ATAD1: variants seen among roughly 807,000 people sequenced by gnomAD.
ATAD1 encodes ATPase family AAA domain containing 1.
In ATAD1, 18 loss-of-function variants were observed where a neutral mutation model predicts 42.7. The ratio of observed to expected loss-of-function variants is 0.42; its 90% CI spans 0.29 to 0.63. The LOEUF is 0.63. ATAD1 is among the 20% of genes least tolerant of loss of function. ATAD1 has a pLI of 0.19. For synonymous variants in ATAD1, 132 were observed against 143.1 expected (o/e 0.92, Z 0.55); for missense variants, 294 against 440.4 (o/e 0.67, Z 2.98).
At chr10:87,797,331 A>G (rs979955606) in intron 2 of ATAD1, among the ~76,000 whole-genome samples, 1 of 152,024 alleles carries the variant, frequency 6.6e-6, no homozygotes, top group African/African-American at 2.4e-5. Context: ...AAAGAAAAAA[A>G]AACAAAAACA....
intron 1 of ATAD1, among the ~76,000 whole-genome samples, chr10:87,826,918 A>G (rs1241251388): frequency 6.6e-6 from 1 of 152,132 alleles, no homozygotes; most frequent in African/African-American, 2.4e-5. Context: ...TAGGCCAAAA[A>G]GAGAAGACAA....
At chr10:87,755,535 G>C (rs1854180214) in intron 9 of ATAD1, among the ~76,000 whole-genome samples, 1 of 152,116 alleles carries the variant, frequency 6.6e-6, no homozygotes, top group Admixed American at 6.5e-5. Flanking sequence ...CAAAAAAATA[G>C]ATCTTTCATT....
chr10:87,775,432 A>AC (rs1409900296), intron 6 of ATAD1, among the ~76,000 whole-genome samples: 1 of 147,448 alleles, frequency 6.8e-6, no homozygotes, highest in East Asian at 1.9e-4. Flanking sequence ...AAAAAAAAAA[A>AC]AAAAAAAAAG....
intron 2 of ATAD1, among the ~76,000 whole-genome samples, chr10:87,796,047 C>G (rs1856371333): frequency 6.6e-6 from 1 of 152,080 alleles, no homozygotes; most frequent in Non-Finnish European, 1.5e-5. Context: ...AACAAGGATT[C>G]TGAGTATGTA....
At chr10:87,790,738 T>C (rs1336212479) in intron 3 of ATAD1, among the ~76,000 whole-genome samples, 1 of 152,172 alleles carries the variant, frequency 6.6e-6, no homozygotes, top group East Asian at 1.9e-4. Flanking sequence ...GCAAGAATAC[T>C]GAGAACCAGC....
At chr10:87,795,813 G>T (rs1306889089) in intron 2 of ATAD1, among the ~76,000 whole-genome samples, 1 of 152,130 alleles carries the variant, frequency 6.6e-6, no homozygotes, top group Non-Finnish European at 1.5e-5. Context: ...TTTCATTCAG[G>T]TTCTAAAGAT....
At chr10:87,809,966 C>A (rs1409797717) in intron 2 of ATAD1, among the ~76,000 whole-genome samples, 1 of 151,900 alleles carries the variant, frequency 6.6e-6, no homozygotes, top group South Asian at 2.1e-4. Flanking sequence ...ATATCTACAG[C>A]AATATTAGGC....
chr10:87,790,917 G>A (rs1443375939), intron 3 of ATAD1, among the ~76,000 whole-genome samples: 5 of 151,136 alleles, frequency 3.3e-5, no homozygotes, highest in African/African-American at 4.9e-5. Context: ...AGGCGTGGTC[G>A]CTCACGCCTG....
intron 3 of ATAD1, among the ~76,000 whole-genome samples, chr10:87,791,306 G>A (rs1856098772): frequency 6.6e-6 from 1 of 151,902 alleles, no homozygotes; most frequent in African/African-American, 2.4e-5. Context: ...AGAAAAACCT[G>A]ATTCAACTTG....
At chr10:87,780,419 TTA>T (rs1270637967) in intron 5 of ATAD1, among the ~76,000 whole-genome samples, 1 of 152,164 alleles carries the variant, frequency 6.6e-6, no homozygotes, top group African/African-American at 2.4e-5. Context: ...AGAATGAACC[TTA>T]AACTATGGAC....
At chr10:87,813,005 G>C (rs2132057875) in intron 2 of ATAD1, among the ~76,000 whole-genome samples, 1 of 152,202 alleles carries the variant, frequency 6.6e-6, no homozygotes, top group African/African-American at 2.4e-5. Context: ...TCATGAACAA[G>C]TCTTTTCTCC....
At chr10:87,784,999 C>T (rs1172416539) in intron 4 of ATAD1, among the ~76,000 whole-genome samples, 1 of 152,216 alleles carries the variant, frequency 6.6e-6, no homozygotes, top group Non-Finnish European at 1.5e-5. Flanking sequence ...CCTCCACCTT[C>T]ACAAGCAAAC....
chr10:87,783,831 C>T (rs916234387), intron 5 of ATAD1, among the ~76,000 whole-genome samples: 1 of 150,984 alleles, frequency 6.6e-6, no homozygotes, highest in Non-Finnish European at 1.5e-5. Context: ...AAAAAGAGAA[C>T]ATTTATGGGG....
chr10:87,834,260 G>A lies in ATAD1; in HGVS notation c.-14+6927C>T, dbSNP rs533801078. 2.6e-5 allele frequency among the ~76,000 whole-genome samples: 4 copies of A among 152,160 alleles called. No individual in the cohort carries two copies. In the East Asian group the frequency reaches 5.8e-4, roughly 22 times the overall value. The stretch of plus-strand genomic sequence containing the variant: ...ATATTGTATGGTTTTTTCTTGTCCT[G>A]TCTTTGTCTGGCTTTGGTATCAATA... On this transcript the variant is annotated intron_variant, in intron 1 of 4. Coordinates refer to the ATAD1 transcript ENST00000495903.
intron 2 of ATAD1, among the ~76,000 whole-genome samples, chr10:87,809,761 A>C (rs1857097459): frequency 6.6e-6 from 1 of 151,738 alleles, no homozygotes; most frequent in African/African-American, 2.4e-5. Flanking sequence ...GATTCAAGCG[A>C]TTCTCCTCCT....
At chr10:87,819,261 TAC>T (rs1316349671), upstream of ATAD1, 1 of 12,932 alleles carries the variant, frequency 7.7e-5, no homozygotes, top group Non-Finnish European at 1.3e-4. Flanking sequence ...AAATCGTCTC[TAC>T]AAAAAAAAAA....
chr10:87,807,405 T>C (rs184179961), intron 2 of ATAD1, among the ~76,000 whole-genome samples: 1 of 152,286 alleles, frequency 6.6e-6, no homozygotes, highest in African/African-American at 2.4e-5. Context: ...TAATTTATAT[T>C]CCCAACAGCA....
chr10:87,791,030 C>CAAAAAAA (rs34722647), intron 3 of ATAD1, among the ~76,000 whole-genome samples: 16 of 66,250 alleles, frequency 2.4e-4, no homozygotes, highest in East Asian at 4.5e-4. Flanking sequence ...ACTAAAATTA[C>CAAAAAAA]AAAAAAAAAA....
At chr10:87,758,482 A>G (rs987800174) in intron 8 of ATAD1, among the ~76,000 whole-genome samples, 2 of 152,208 alleles carry the variant, frequency 1.3e-5, no homozygotes, top group Non-Finnish European at 2.9e-5. Context: ...ATGAGTAATT[A>G]CCATAAATGC....
Sources: gnomAD v4.1 joint callset for allele counts (sites outside exome capture counted in the v4.1 genomes callset) on GRCh38, gnomAD v4.1.1 for gene constraint, MANE v1.5 for transcripts, NCBI Gene and HGNC (gene_info 2026-07-23, HGNC 2026-07-21) for gene names.